Variants in GPR107 observed in about 807,000 individuals in gnomAD.
The protein encoded by GPR107 is G protein-coupled receptor 107.
GPR107 carries 31 observed loss-of-function variants against 75.5 expected under a neutral mutation model. The ratio of observed to expected loss-of-function variants is 0.41; its 90% CI spans 0.31 to 0.55. GPR107 has a LOEUF of 0.55. GPR107 is among the 20% of genes least tolerant of loss of function. GPR107 has a pLI of 0.26. For synonymous variants in GPR107, 267 were observed against 251.3 expected, an observed-to-expected ratio of 1.06 and a Z score of -0.59; for missense variants, 572 against 665.7, an observed-to-expected ratio of 0.86 and a Z score of 1.55.
At chr9:130,079,492 G>C in intron 4 of GPR107, 138 bp from the exon 5 acceptor site, 1 of 613,348 alleles carries the variant, frequency 1.6e-6, no homozygotes, top group Middle Eastern at 4.5e-4. Context: ...TTTGGTATCT[G>C]TAGAATGTGG....
chr9:130,126,193 G>T (rs1389151199), intron 15 of GPR107, among the ~76,000 whole-genome samples: 1 of 151,336 alleles, frequency 6.6e-6, no homozygotes, highest in Non-Finnish European at 1.5e-5. Context: ...CCTAAAACAG[G>T]ACTCTGATGG....
chr9:130,078,871 G>A (rs1830422423), intron 4 of GPR107, among the ~76,000 whole-genome samples: 1 of 152,212 alleles, frequency 6.6e-6, no homozygotes, highest in Admixed American at 6.5e-5. Flanking sequence ...AAACAAAATT[G>A]GGTCTCATGA....
intron 1 of GPR107, among the ~76,000 whole-genome samples, chr9:130,074,001 C>G (rs986823527): frequency 6.6e-6 from 1 of 152,208 alleles, no homozygotes; most frequent in African/African-American, 2.4e-5. Context: ...AAGTGATCCT[C>G]CTGCCTCGGC....
chr9:130,100,495 CAAT>C (rs1390177215), intron 10 of GPR107, 131 bp from the exon 11 acceptor site: 12 of 702,390 alleles, frequency 1.7e-5, no homozygotes, highest in Non-Finnish European at 2.8e-5. Flanking sequence ...TTGGAAAAGG[CAAT>C]AATATATCCA....
rs1554899715 is a variant in GPR107, at chr9:130,135,032, A to G, written c.1570A>G (p.Thr524Ala). ...EDLEMESVVT[T>A]SGVMESMKKV... ...TTTTCTTTCCTTGTTCAGTGTGACAACATCTGGGGTGATGGAAAGTATGAA... is the reference window on the plus strand; with the variant it reads ...TTTTCTTTCCTTGTTCAGTGTGACAGCATCTGGGGTGATGGAAAGTATGAA... Residue 524 changes from threonine (T) to alanine (A), a missense_variant, in exon 18 of 18, where the codon ACA (threonine) becomes GCA (alanine). Physicochemically the swap from Thr to Ala is moderately conservative, Grantham distance 58 (BLOSUM62 0). Transcript: ENST00000347136. 6.3e-7 allele frequency: 1 copy of G among 1,590,628 alleles called. No homozygotes were observed. Among genetic ancestry groups the G allele is most frequent in the Non-Finnish European group, 8.6e-7 (1 of 1,159,312 alleles).
At chr9:130,131,219 T>C (rs1831819942) in intron 17 of GPR107, among the ~76,000 whole-genome samples, 2 of 152,150 alleles carry the variant, frequency 1.3e-5, no homozygotes, top group South Asian at 4.1e-4. Flanking sequence ...GTCTCTCTTC[T>C]CACTGCTGCA....
rs1471360871 is a variant in GPR107, at chr9:130,115,452, T to C, written c.1306+7913T>C. On this transcript the variant is annotated intron_variant, in intron 14 of 17. Coordinates refer to ENST00000347136, the MANE Select transcript of GPR107 (RefSeq NM_020960.5). ...ACCTCAAAGAGCAGTTCTGCTCTGG[T>C]CCTTTTTGTTTTCTTTTAAAAAAAA... Among the ~76,000 whole-genome samples the C allele has an allele frequency of 8.3e-5, 12 of 144,104 alleles. No individual in the cohort carries two copies. The East Asian group carries it at 2.4e-3, about 28-fold the overall frequency. The allele number at this position is 144,104 out of a possible 152,430, so 94.5% of individuals were successfully genotyped here.
intron 13 of GPR107, 69 bp downstream of exon 13, chr9:130,104,619 T>G: frequency 3.0e-6 from 4 of 1,324,402 alleles, no homozygotes; most frequent in Non-Finnish European, 4.3e-6. Flanking sequence ...GAACTGGCCA[T>G]TCCCAAACTG....
chr9:130,056,600 A>G (rs1220154064), intron 1 of GPR107, among the ~76,000 whole-genome samples: 1 of 152,088 alleles, frequency 6.6e-6, no homozygotes, highest in Non-Finnish European at 1.5e-5. Context: ...GCTTTAAAAA[A>G]TTGCAAAAAA....
intron 14 of GPR107, among the ~76,000 whole-genome samples, chr9:130,122,861 C>T (rs1229164483): frequency 5.3e-5 from 8 of 152,082 alleles, no homozygotes; most frequent in Non-Finnish European, 8.8e-5. Context: ...ATTAGTCGGG[C>T]GTGGTGGCAC....
chr9:130,110,540 G>C, intron 14 of GPR107: 1 of 676,184 alleles, frequency 1.5e-6, no homozygotes, highest in South Asian at 1.6e-5. Flanking sequence ...AGATTAGAAC[G>C]GGATTGTCAT....
Position 130,127,336 on chromosome 9 carries a change from C to T in GPR107, c.1357-147C>T, listed in dbSNP as rs2132653172. 7 of 626,632 alleles carry T rather than the reference C, an allele frequency of 1.1e-5. 1 individual carries two copies. The highest frequency in any genetic ancestry group is 8.2e-5 in the East Asian group (3 of 36,502). 38.8% of individuals were successfully genotyped at this position (626,632 alleles called of 1,614,324 possible). On this transcript the variant is annotated intron_variant, in intron 15 of 17. Transcript: ENST00000347136. ...AGAGTAGCCATGTCTCTCCGCTGCACGTATTAATTCACACTGTAAGTGTCA... is the reference window on the plus strand; with the variant it reads ...AGAGTAGCCATGTCTCTCCGCTGCATGTATTAATTCACACTGTAAGTGTCA...
At chr9:130,062,229 A>C (rs542451459) in intron 1 of GPR107, among the ~76,000 whole-genome samples, 31 of 151,874 alleles carry the variant, frequency 2.0e-4, no homozygotes, top group Non-Finnish European at 3.5e-4. Flanking sequence ...CCTGGCCAAC[A>C]TGGTAAAACC....
At chr9:130,122,666 A>G (rs1031213106) in intron 14 of GPR107, among the ~76,000 whole-genome samples, 1 of 152,170 alleles carries the variant, frequency 6.6e-6, no homozygotes, top group Admixed American at 6.5e-5. Context: ...GCTGTCGTGT[A>G]TACTGCTGTA....
At chr9:130,106,847 C>T (rs763696278) in intron 13 of GPR107, among the ~76,000 whole-genome samples, 26 of 152,074 alleles carry the variant, frequency 1.7e-4, no homozygotes, top group Non-Finnish European at 3.4e-4. Context: ...AGCCTGTCTG[C>T]CTGTGCCCTG....
In GPR107 at chr9:130,054,011, C is replaced by T. The variant is rs983362787; in HGVS notation, c.79C>T (p.Leu27=). ...LAAGLRLLPM[L]GLLQLLAEPG... is the part of the protein sequence containing the mutation. ...CGCGGGCCTCCGGCTGCTCCCAATG[C>T]TGGGTTTGCTGCAGTTGCTGGCCGA... Residue 27 remains leucine (L), a synonymous_variant, in exon 1 of 18, where the codon CTG becomes TTG. Transcript: ENST00000347136. The T allele has an allele frequency of 1.3e-5, 20 of 1,554,042 alleles. No individual in the cohort carries two copies. Among genetic ancestry groups the T allele is most frequent in the African/African-American group, 1.4e-5 (1 of 73,284 alleles).
chr9:130,129,114 C>T (rs1010744000), intron 17 of GPR107: 3 of 187,058 alleles, frequency 1.6e-5, no homozygotes, highest in South Asian at 2.3e-4. Context: ...CAGGCGCTTA[C>T]GTCTGAAAAT....
intron 1 of GPR107, among the ~76,000 whole-genome samples, chr9:130,061,780 T>C (rs1434000556): frequency 2.6e-5 from 4 of 151,750 alleles, no homozygotes; most frequent in African/African-American, 9.7e-5. Flanking sequence ...ACTTTCTCTG[T>C]TAAAAATACA....
chr9:130,090,134 A>G (rs1323680688), intron 7 of GPR107, among the ~76,000 whole-genome samples: 2 of 152,196 alleles, frequency 1.3e-5, no homozygotes, highest in East Asian at 3.9e-4. Context: ...AGCCCTAAAA[A>G]TGTATTTCAG....
Sources: allele counts gnomAD v4.1 joint callset (sites outside exome capture counted in the v4.1 genomes callset), GRCh38; gene constraint gnomAD v4.1.1; transcripts MANE v1.5; gene names NCBI Gene and HGNC (gene_info 2026-07-23, HGNC 2026-07-21).